KIAA1328: variants seen among roughly 807,000 people sequenced by gnomAD.
KIAA1328 encodes the protein protein hinderin.
In KIAA1328, 52 loss-of-function variants were observed where a neutral mutation model predicts 68.1. That is an observed-to-expected ratio of 0.76 (90% CI 0.61 to 0.96). The LOEUF is 0.96. KIAA1328 is among the 40% of genes least tolerant of loss of function. KIAA1328 has a pLI of 0.00. For synonymous variants in KIAA1328, 232 were observed against 239.4 expected (o/e 0.97, Z 0.28); for missense variants, 641 against 677.6 (o/e 0.95, Z 0.60).
chr18:36,912,789 A>G (rs1320910771), intron 5 of KIAA1328, among the ~76,000 whole-genome samples: 1 of 152,206 alleles, frequency 6.6e-6, no homozygotes, highest in Admixed American at 6.5e-5. Context: ...GGCATGGGTG[A>G]GAGTCTGAGA....
chr18:36,885,800 C>T (rs1435153041), intron 5 of KIAA1328, 128 bp downstream of exon 5: 24 of 579,416 alleles, frequency 4.1e-5, no homozygotes, highest in Non-Finnish European at 6.4e-5. Flanking sequence ...TCACCGCAAC[C>T]TCCACCTCCC....
intron 7 of KIAA1328, among the ~76,000 whole-genome samples, chr18:37,158,200 T>C (rs323310): frequency 0.11 from 16,051 of 152,136 alleles, 2,864 homozygotes; most frequent in African/African-American, 0.37. Flanking sequence ...GCCTGGCTAA[T>C]TTAAAACAAT....
chr18:36,914,145 C>T (rs534727680), intron 5 of KIAA1328, among the ~76,000 whole-genome samples: 1 of 152,136 alleles, frequency 6.6e-6, no homozygotes, highest in Admixed American at 6.6e-5. Context: ...TTTAGTTTTT[C>T]ATTTTCCTAC....
rs72890602 is a variant in KIAA1328, at chr18:37,067,359, G to T, written c.1046G>T (p.Gly349Val). Residue 349 changes from glycine (G) to valine (V), a missense_variant, in exon 7 of 10, where the codon GGT (glycine) becomes GTT (valine). Gly to Val is a moderately radical substitution (Grantham distance 109). Transcript: ENST00000280020. The part of the protein sequence containing the change: ...RLSWASLVHG[G>V]GALQPIETLK... Reference sequence around the variant, plus strand: ...TCTTGGGCATCTCTGGTGCATGGTGGTGGGGCACTGCAACCCATTGAAACT... The same window carrying T: ...TCTTGGGCATCTCTGGTGCATGGTGTTGGGGCACTGCAACCCATTGAAACT... 52,403 of 1,613,836 alleles carry T rather than the reference G, an allele frequency of 0.032. 978 individuals are homozygous for T. Among genetic ancestry groups the T allele is most frequent in the Non-Finnish European group, 0.037 (43,134 of 1,179,806 alleles).
chr18:37,194,274 CAA>C (rs2059962586), intron 9 of KIAA1328, among the ~76,000 whole-genome samples: 1 of 152,236 alleles, frequency 6.6e-6, no homozygotes, highest in Admixed American at 6.5e-5. Flanking sequence ...ACAATGTAAT[CAA>C]AAAGTTTGGT....
Position 36,882,034 on chromosome 18 carries a change from G to A in KIAA1328, c.333-3523G>A, listed in dbSNP as rs187359962. Among the ~76,000 whole-genome samples, 9 of 152,272 alleles carry A rather than the reference G, an allele frequency of 5.9e-5. No individual in the cohort carries two copies. The East Asian group carries it at 1.7e-3, about 29-fold the overall frequency. ...AAGAACTGCCAGACTTGAAGTGATT[G>A]TGCCATTTTACATTCCTACTAAGCA... On this transcript the variant is annotated intron_variant, in intron 4 of 9. Transcript: ENST00000280020.
chr18:36,949,095 G>C (rs2051034165), intron 5 of KIAA1328, among the ~76,000 whole-genome samples: 1 of 152,112 alleles, frequency 6.6e-6, no homozygotes, highest in Non-Finnish European at 1.5e-5. Context: ...AAGCTTCTTG[G>C]GGGAGAGGTA....
intron 7 of KIAA1328, among the ~76,000 whole-genome samples, chr18:37,125,703 A>G (rs2058373046): frequency 6.6e-6 from 1 of 152,210 alleles, no homozygotes; most frequent in South Asian, 2.1e-4. Context: ...ATAAGGAAAT[A>G]CAGATTGGTC....
chr18:36,914,581 G>A (rs529921315), intron 5 of KIAA1328, among the ~76,000 whole-genome samples: 24 of 151,960 alleles, frequency 1.6e-4, no homozygotes, highest in South Asian at 2.1e-4. Context: ...TTAGCCAGGC[G>A]CAGTGGCGGG....
chr18:37,054,763 A>G (rs1173215750), intron 6 of KIAA1328, among the ~76,000 whole-genome samples: 1 of 152,214 alleles, frequency 6.6e-6, no homozygotes, highest in Non-Finnish European at 1.5e-5. Context: ...ACCCAGCATT[A>G]TGCAGTACAT....
intron 6 of KIAA1328, among the ~76,000 whole-genome samples, chr18:36,965,097 A>G (rs543501095): frequency 6.6e-6 from 1 of 152,140 alleles, no homozygotes; most frequent in South Asian, 2.1e-4. Flanking sequence ...CTATTTTACT[A>G]TTTTTATTAA....
chr18:36,924,214 A>G (rs1247407929), intron 5 of KIAA1328, among the ~76,000 whole-genome samples: 2 of 152,164 alleles, frequency 1.3e-5, no homozygotes, highest in Non-Finnish European at 2.9e-5. Flanking sequence ...TATACTCAAT[A>G]TAATGTTTTG....
chr18:37,161,317 C>T (rs187149217), intron 8 of KIAA1328, among the ~76,000 whole-genome samples: 216 of 152,236 alleles, frequency 1.4e-3, no homozygotes, highest in Non-Finnish European at 2.5e-4. Context: ...ATCTCCCTGC[C>T]TCTCTTCATC....
chr18:37,041,853 G>T (rs1220379009), intron 6 of KIAA1328, among the ~76,000 whole-genome samples: 1 of 151,780 alleles, frequency 6.6e-6, no homozygotes, highest in Non-Finnish European at 1.5e-5. Context: ...TCCTCTATTT[G>T]CTGTGCTGTT....
intron 6 of KIAA1328, among the ~76,000 whole-genome samples, chr18:37,009,112 A>G (rs373244220): frequency 3.0e-4 from 45 of 152,352 alleles, no homozygotes; most frequent in African/African-American, 1.0e-3. Context: ...AGCATCTGCA[A>G]GTATATAGTC....
chr18:36,997,429 G>C (rs2053432676), intron 6 of KIAA1328, among the ~76,000 whole-genome samples: 1 of 152,142 alleles, frequency 6.6e-6, no homozygotes, highest in South Asian at 2.1e-4. Context: ...GAGAATTCCA[G>C]CAGCCCATAA....
chr18:37,142,228 G>A (rs994168285), intron 7 of KIAA1328, among the ~76,000 whole-genome samples: 2 of 151,936 alleles, frequency 1.3e-5, no homozygotes, highest in East Asian at 3.9e-4. Flanking sequence ...GTCTCGCTCC[G>A]TCACCCAGGC....
intron 6 of KIAA1328, among the ~76,000 whole-genome samples, chr18:37,062,327 A>G (rs1177261277): frequency 6.6e-6 from 1 of 152,198 alleles, no homozygotes; most frequent in South Asian, 2.1e-4. Context: ...TGAAAGAAAT[A>G]TGAGTGGGTT....
At chr18:37,010,090 T>G (rs573871192) in intron 6 of KIAA1328, among the ~76,000 whole-genome samples, 1 of 152,196 alleles carries the variant, frequency 6.6e-6, no homozygotes, top group South Asian at 2.1e-4. Flanking sequence ...GAGCATAACA[T>G]CTTGCAAAAT....
Sources: allele counts gnomAD v4.1 joint callset (sites outside exome capture counted in the v4.1 genomes callset), GRCh38; gene constraint gnomAD v4.1.1; transcripts MANE v1.5; gene names NCBI Gene and HGNC (gene_info 2026-07-23, HGNC 2026-07-21).